GABBR2: variants seen among roughly 807,000 people sequenced by gnomAD.
The protein encoded by GABBR2 is G-protein coupled receptor 51.
In GABBR2, 23 loss-of-function variants were observed where a neutral mutation model predicts 105.6. That is an observed-to-expected ratio of 0.22 (90% confidence interval 0.16 to 0.31). GABBR2 has a LOEUF of 0.31. Among genes scored for constraint, GABBR2 ranks in the 10% least tolerant of loss-of-function variants. The probability of loss-of-function intolerance (pLI) is 1.00; values close to 1 mark genes in which losing one functional copy is unlikely to be tolerated. For synonymous variants in GABBR2, 478 were observed against 499.7 expected (o/e 0.96, Z 0.58); for missense variants, 734 against 1,245.5 (o/e 0.59, Z 6.18).
chr9:98,382,729 C>T (rs569033357), intron 11 of GABBR2, among the ~76,000 whole-genome samples: 1 of 152,296 alleles, frequency 6.6e-6, no homozygotes, highest in South Asian at 2.1e-4. Context: ...CATCAGGGTC[C>T]CTCAGGAGCA....
intron 7 of GABBR2, among the ~76,000 whole-genome samples, chr9:98,438,673 T>A (rs1190362016): frequency 1.3e-5 from 2 of 152,186 alleles, no homozygotes; most frequent in Non-Finnish European, 2.9e-5. Flanking sequence ...TAAGAGTAGT[T>A]TGACTCTGCT....
intron 13 of GABBR2, among the ~76,000 whole-genome samples, chr9:98,327,430 T>C (rs1830943067): frequency 6.6e-6 from 1 of 152,158 alleles, no homozygotes; most frequent in Admixed American, 6.5e-5. Context: ...AATAGGTAGG[T>C]ATAAATATGC....
At chr9:98,494,049 A>G (rs1442711202) in intron 4 of GABBR2, among the ~76,000 whole-genome samples, 1 of 152,232 alleles carries the variant, frequency 6.6e-6, no homozygotes, top group Non-Finnish European at 1.5e-5. Flanking sequence ...AAGACAATAT[A>G]AAGAGAAGAG....
At chr9:98,386,833 C>T (rs922898271) in intron 10 of GABBR2, among the ~76,000 whole-genome samples, 1 of 152,252 alleles carries the variant, frequency 6.6e-6, no homozygotes, top group Non-Finnish European at 1.5e-5. Flanking sequence ...GCCTGCTGCT[C>T]TTCCTCTGTG....
intron 13 of GABBR2, among the ~76,000 whole-genome samples, chr9:98,357,973 C>G (rs191627579): frequency 6.6e-6 from 1 of 152,202 alleles, no homozygotes; most frequent in African/African-American, 2.4e-5. Context: ...GGTATTCATG[C>G]GTGACTTGCT....
intron 6 of GABBR2, among the ~76,000 whole-genome samples, chr9:98,466,256 TA>T (rs1183483919): frequency 2.0e-5 from 3 of 152,076 alleles, no homozygotes; most frequent in Non-Finnish European, 1.5e-5. Context: ...CTGAAGATAC[TA>T]AAAAAAGCTG....
At chr9:98,656,309 G>T (rs998717205) in intron 1 of GABBR2, among the ~76,000 whole-genome samples, 2 of 152,132 alleles carry the variant, frequency 1.3e-5, no homozygotes, top group African/African-American at 4.8e-5. Flanking sequence ...TGTGGATGAT[G>T]GGGCCATCCC....
chr9:98,708,654 C>CAGCAGT lies in GABBR2; in HGVS notation c.78_83dup (p.Leu28_Leu29dup), dbSNP rs1213177596. ...GCGCCAGAGGCAGCAGCAGCGGCAGCAGCAGTAGCAGTAGCAGGCGCGCGG... is the reference window on the plus strand; with the variant it reads ...GCGCCAGAGGCAGCAGCAGCGGCAGCAGCAGTAGCAGTAGCAGTAGCAGGCGCGCGG... On this transcript the variant is annotated inframe_insertion, in exon 1 of 19. Transcript: ENST00000259455. 4 of 1,214,650 alleles carry CAGCAGT rather than the reference C, an allele frequency of 3.3e-6. No homozygotes were observed. Among genetic ancestry groups the CAGCAGT allele is most frequent in the African/African-American group, 1.6e-5 (1 of 63,308 alleles). The allele number at this position is 1,214,650 out of a possible 1,614,324, so 75.2% of individuals were successfully genotyped here. A position where few individuals can be genotyped will look rare whatever the true frequency, so the allele number is the denominator to read the frequency against.
intron 6 of GABBR2, among the ~76,000 whole-genome samples, chr9:98,471,482 C>T (rs544037997): frequency 2.6e-5 from 4 of 152,340 alleles, no homozygotes; most frequent in African/African-American, 9.6e-5. Context: ...AAATACACTA[C>T]AAAAAATGAT....
chr9:98,653,471 T>A (rs990130271), intron 1 of GABBR2, among the ~76,000 whole-genome samples: 7 of 152,222 alleles, frequency 4.6e-5, no homozygotes, highest in Non-Finnish European at 8.8e-5. Flanking sequence ...GCACAGTAAA[T>A]GTTGGTTGAA....
chr9:98,414,903 C>T (rs375229038), intron 7 of GABBR2, among the ~76,000 whole-genome samples: 1 of 152,124 alleles, frequency 6.6e-6, no homozygotes, highest in East Asian at 1.9e-4. Flanking sequence ...GGACATGAGA[C>T]AGAGGAGCTT....
At chr9:98,407,552 C>A (rs1040382579) in intron 7 of GABBR2, among the ~76,000 whole-genome samples, 21 of 152,258 alleles carry the variant, frequency 1.4e-4, no homozygotes, top group African/African-American at 2.9e-4. Context: ...TTGAAAATCA[C>A]AAAACACCTT....
At chr9:98,417,061 G>A (rs541113519) in intron 7 of GABBR2, among the ~76,000 whole-genome samples, 2 of 152,310 alleles carry the variant, frequency 1.3e-5, no homozygotes, top group South Asian at 2.1e-4. Flanking sequence ...GCTGAATATG[G>A]TAATTGCCTC....
At chr9:98,634,705 G>C (rs1829855260) in intron 1 of GABBR2, among the ~76,000 whole-genome samples, 1 of 152,154 alleles carries the variant, frequency 6.6e-6, no homozygotes, top group Non-Finnish European at 1.5e-5. Flanking sequence ...CCAGTCTCTG[G>C]TTGTTTTTTA....
At chr9:98,474,039 G>C (rs1397730066) in intron 5 of GABBR2, among the ~76,000 whole-genome samples, 3 of 152,110 alleles carry the variant, frequency 2.0e-5, no homozygotes, top group Non-Finnish European at 4.4e-5. Context: ...AAAACACAGA[G>C]TGTATAAATT....
chr9:98,553,223 ATTAGT>A (rs796477641), intron 2 of GABBR2, among the ~76,000 whole-genome samples: 12 of 151,918 alleles, frequency 7.9e-5, no homozygotes, highest in Admixed American at 2.6e-4. Context: ...TAAGGGAGAC[ATTAGT>A]GCCTTTGTTT....
chr9:98,566,377 T>A (rs1466128614), intron 2 of GABBR2, among the ~76,000 whole-genome samples: 1 of 152,148 alleles, frequency 6.6e-6, no homozygotes, highest in Non-Finnish European at 1.5e-5. Context: ...GAATGATGTT[T>A]TAAGAATAAT....
intron 7 of GABBR2, among the ~76,000 whole-genome samples, chr9:98,418,598 A>C (rs111520917): frequency 1.4e-4 from 21 of 152,234 alleles, no homozygotes; most frequent in East Asian, 5.8e-4. Context: ...AACAACAACA[A>C]CACAATATGT....
chr9:98,517,661 T>C (rs966970824), intron 3 of GABBR2, among the ~76,000 whole-genome samples: 3 of 152,208 alleles, frequency 2.0e-5, no homozygotes, highest in African/African-American at 7.2e-5. Flanking sequence ...ATCATGTTGG[T>C]TATTCCCATT....
Sources: allele counts gnomAD v4.1 joint callset (sites outside exome capture counted in the v4.1 genomes callset), GRCh38; gene constraint gnomAD v4.1.1; transcripts MANE v1.5; gene names NCBI Gene and HGNC (gene_info 2026-07-23, HGNC 2026-07-21).